IFT74: variants seen among roughly 807,000 people sequenced by gnomAD.
IFT74 encodes the protein intraflagellar transport protein 74 homolog.
A neutral mutation model predicts 96.7 loss-of-function variants in IFT74; 92 were observed. That is an observed-to-expected ratio of 0.95 (90% confidence interval 0.80 to 1.13). The LOEUF (loss-of-function observed/expected upper bound fraction) is 1.13, where lower values mean the gene tolerates loss of function less well. Ranked by LOEUF, IFT74 falls within the 50% of genes most tolerant of loss-of-function variation. IFT74 has a pLI of 0.00. For synonymous variants in IFT74, 223 were observed against 213.2 expected (o/e 1.05, Z -0.40); for missense variants, 811 against 698.2 (o/e 1.16, Z -1.82).
chr9:26,989,910 G>T (rs1827793146), intron 7 of IFT74, among the ~76,000 whole-genome samples: 1 of 152,068 alleles, frequency 6.6e-6, no homozygotes, highest in African/African-American at 2.4e-5. Flanking sequence ...GAAGAACAAT[G>T]AATATTTTTG....
intron 7 of IFT74, among the ~76,000 whole-genome samples, chr9:26,989,907 A>G (rs1359803793): frequency 6.6e-6 from 1 of 152,190 alleles, no homozygotes; most frequent in Non-Finnish European, 1.5e-5. Context: ...ACTGAAGAAC[A>G]ATGAATATTT....
intron 16 of IFT74, among the ~76,000 whole-genome samples, chr9:27,052,856 A>ATGTTGTTGT (rs147019396): frequency 6.6e-6 from 1 of 151,486 alleles, no homozygotes; most frequent in Non-Finnish European, 1.5e-5. Context: ...AGTGTACTCC[A>ATGTTGTTGT]TGTTGTTGTT....
chr9:26,979,856 G>A (rs1827292225), intron 3 of IFT74, among the ~76,000 whole-genome samples: 1 of 151,558 alleles, frequency 6.6e-6, no homozygotes, highest in Admixed American at 6.6e-5. Flanking sequence ...GGGCTTACAG[G>A]CACATGCCAC....
At chr9:27,036,575 C>G in intron 13 of IFT74, 1 of 1,590,694 alleles carries the variant, frequency 6.3e-7, no homozygotes, top group Non-Finnish European at 8.5e-7. Flanking sequence ...CCTGCTATAG[C>G]CTCCCATTGT....
intron 19 of IFT74, among the ~76,000 whole-genome samples, chr9:27,061,677 G>GTATA (rs10668267): frequency 0.065 from 9,333 of 143,004 alleles, 344 homozygotes; most frequent in Middle Eastern, 0.15. Flanking sequence ...ATATCCACAA[G>GTATA]TATATATATA....
At chr9:26,985,417 T>G (rs1827590086) in intron 6 of IFT74, among the ~76,000 whole-genome samples, 1 of 152,126 alleles carries the variant, frequency 6.6e-6, no homozygotes, top group Middle Eastern at 3.2e-3. Flanking sequence ...AAAACAAACC[T>G]GCACATGTAC....
chr9:27,013,035 C>A (rs1487865242), intron 10 of IFT74, among the ~76,000 whole-genome samples: 2 of 152,026 alleles, frequency 1.3e-5, no homozygotes, highest in African/African-American at 4.8e-5. Context: ...TGTTTTGTGT[C>A]CTTCTTTCCA....
intron 3 of IFT74, among the ~76,000 whole-genome samples, chr9:26,980,197 T>C (rs1827308737): frequency 1.3e-5 from 2 of 152,226 alleles, no homozygotes; most frequent in Non-Finnish European, 2.9e-5. Flanking sequence ...TAAGTGCTTC[T>C]GTAGTCCCTC....
At position 26,980,867 on chromosome 9, in the gene IFT74, G is replaced by A. The variant is rs565281346; in HGVS notation, c.305+248G>A. On this transcript the variant is annotated intron_variant, in intron 4 of 19. Coordinates refer to ENST00000380062, the MANE Select transcript of IFT74 (RefSeq NM_025103.4). ...GTTTTATGAATTTGCATGTACATGA[G>A]CTATATTTTCCCTCAGTTTGTTTGT... Among the ~76,000 whole-genome samples, 27 of 152,298 alleles carry A rather than the reference G, an allele frequency of 1.8e-4. 1 individual carries two copies. Among genetic ancestry groups the A allele is most frequent in the African/African-American group, 5.1e-4 (21 of 41,582 alleles).
At chr9:27,055,881 A>T in intron 17 of IFT74, 109 bp downstream of exon 17, 1 of 663,946 alleles carries the variant, frequency 1.5e-6, no homozygotes, top group Non-Finnish European at 2.3e-6. Context: ...TGATTATTTT[A>T]TATATATAAG....
chr9:26,997,769 A>G (rs1423597113), intron 8 of IFT74: 1 of 1,611,336 alleles, frequency 6.2e-7, no homozygotes, highest in African/African-American at 1.3e-5. Flanking sequence ...CTGCAAATTA[A>G]ATAGACTGCA....
chr9:27,009,024 G>A lies in IFT74; in HGVS notation c.592G>A (p.Glu198Lys), dbSNP rs1828923734. Reference sequence around the variant, plus strand: ...ATTACGTGCTTCTGATTTTAGGAAAGAAAAACAAATCAGAAGTGTCGAAGA... The same window carrying A: ...ATTACGTGCTTCTGATTTTAGGAAAAAAAAACAAATCAGAAGTGTCGAAGA... ...DVIFTERQAK[E>K]KQIRSVEEEI... The change falls in exon 9 of 20, where the codon GAA becomes AAA. Residue 198 changes from glutamate to lysine, a missense_variant. Transcript: ENST00000380062. 2 of 1,610,298 alleles carry A rather than the reference G, an allele frequency of 1.2e-6. No individual in the cohort carries two copies. The highest frequency in any genetic ancestry group is 4.5e-5 in the East Asian group (2 of 44,726).
At chr9:26,991,686 AT>A (rs1827882381) in intron 8 of IFT74, among the ~76,000 whole-genome samples, 1 of 151,534 alleles carries the variant, frequency 6.6e-6, no homozygotes, top group African/African-American at 2.4e-5. Flanking sequence ...GCAAATATTT[AT>A]CATTTACTAT....
chr9:27,032,668 C>A (rs2131653062), intron 13 of IFT74, among the ~76,000 whole-genome samples: 1 of 152,008 alleles, frequency 6.6e-6, no homozygotes, highest in South Asian at 2.1e-4. Flanking sequence ...GAGTTCGAGA[C>A]CAGCCTGACC....
At chr9:26,991,889 C>A (rs973712199) in intron 8 of IFT74, among the ~76,000 whole-genome samples, 1 of 152,010 alleles carries the variant, frequency 6.6e-6, no homozygotes, top group East Asian at 1.9e-4. Context: ...ATTAGCTGGG[C>A]ATGGTGGCAC....
intron 1 of IFT74, among the ~76,000 whole-genome samples, chr9:26,960,546 TC>T (rs1412292434): frequency 2.0e-5 from 3 of 152,220 alleles, no homozygotes; most frequent in Non-Finnish European, 4.4e-5. Context: ...AAAATTGTTT[TC>T]AGAACTTACT....
chr9:26,958,482 A>G (rs936045657), intron 1 of IFT74, among the ~76,000 whole-genome samples: 6 of 152,206 alleles, frequency 3.9e-5, no homozygotes, highest in African/African-American at 1.4e-4. Context: ...CTGTAGGAAT[A>G]GAGAGTAAAG....
chr9:27,003,216 A>C (rs1321888882), intron 8 of IFT74, among the ~76,000 whole-genome samples: 4 of 149,136 alleles, frequency 2.7e-5, no homozygotes, highest in African/African-American at 9.9e-5. Context: ...TTTTTTTTTT[A>C]ATTTTTTAAG....
intron 13 of IFT74, among the ~76,000 whole-genome samples, chr9:27,030,113 A>T (rs959862407): frequency 6.6e-6 from 1 of 152,190 alleles, no homozygotes; most frequent in African/African-American, 2.4e-5. Context: ...TAAGAAAGAT[A>T]AAAGTAGATT....
Sources: gnomAD v4.1 joint callset for allele counts (sites outside exome capture counted in the v4.1 genomes callset) on GRCh38, gnomAD v4.1.1 for gene constraint, MANE v1.5 for transcripts, NCBI Gene and HGNC (gene_info 2026-07-23, HGNC 2026-07-21) for gene names.